Variants in ADD1 observed in about 807,000 individuals in gnomAD.
ADD1 encodes the protein alpha-adducin.
Under a neutral mutation model 80.5 loss-of-function variants are expected in ADD1, and 24 were observed. The ratio of observed to expected loss-of-function variants is 0.30; its 90% CI spans 0.22 to 0.42. The LOEUF (loss-of-function observed/expected upper bound fraction) is 0.42, where lower values mean the gene tolerates loss of function less well. Among genes scored for constraint, ADD1 ranks in the 10% least tolerant of loss-of-function variants. ADD1 has a pLI of 1.00. For synonymous variants in ADD1, 373 were observed against 393.8 expected, an observed-to-expected ratio of 0.95 and a Z score of 0.63; for missense variants, 948 against 1,019.0, an observed-to-expected ratio of 0.93 and a Z score of 0.95.
chr4:2,864,570 A>G (rs886863980), intron 1 of ADD1, among the ~76,000 whole-genome samples: 2 of 152,174 alleles, frequency 1.3e-5, no homozygotes, highest in Non-Finnish European at 2.9e-5. Flanking sequence ...TATTTTATTT[A>G]TTAGAATGTA....
At chr4:2,857,660 C>T (rs1228302297) in intron 1 of ADD1, among the ~76,000 whole-genome samples, 1 of 152,136 alleles carries the variant, frequency 6.6e-6, no homozygotes, top group East Asian at 1.9e-4. Context: ...TAGTTGAGGT[C>T]TCCAAATGGA....
At chr4:2,854,440 T>A (rs1000268844) in intron 1 of ADD1, among the ~76,000 whole-genome samples, 1 of 152,230 alleles carries the variant, frequency 6.6e-6, no homozygotes, top group African/African-American at 2.4e-5. Context: ...ATTGCTCATA[T>A]TTCCTATTTA....
chr4:2,844,131 CG>C (rs1725801739), intron 1 of ADD1, 107 bp downstream of exon 1: 1 of 147,288 alleles, frequency 6.8e-6, no homozygotes, highest in African/African-American at 2.5e-5. Context: ...GCGGGGCCTG[CG>C]GCGGCCCGGG....
intron 12 of ADD1, 32 bp from the exon 13 acceptor site, chr4:2,909,307 G>A: frequency 1.3e-6 from 2 of 1,516,308 alleles, no homozygotes; most frequent in Non-Finnish European, 1.8e-6. Context: ...GCTGGGCCTG[G>A]TGTGCTCTGG....
chr4:2,845,539 TGTG>T (rs989401743), intron 1 of ADD1, among the ~76,000 whole-genome samples: 5 of 152,200 alleles, frequency 3.3e-5, no homozygotes, highest in Admixed American at 3.3e-4. Flanking sequence ...GTTTTCTACT[TGTG>T]GTGTCTTTAG....
chr4:2,885,866 T>A (rs1339180661), intron 4 of ADD1, among the ~76,000 whole-genome samples: 3 of 152,204 alleles, frequency 2.0e-5, no homozygotes, highest in Non-Finnish European at 2.9e-5. Flanking sequence ...CGCCTTGGCC[T>A]CCCAAAGTGC....
intron 1 of ADD1, among the ~76,000 whole-genome samples, chr4:2,868,285 G>A (rs1729858684): frequency 6.6e-6 from 1 of 152,300 alleles, no homozygotes; most frequent in East Asian, 1.9e-4. Flanking sequence ...CTTTGCATTG[G>A]CTGGTGCTGC....
chr4:2,898,779 GA>G, intron 8 of ADD1: 1 of 498,578 alleles, frequency 2.0e-6, no homozygotes, highest in Non-Finnish European at 3.6e-6. Flanking sequence ...ACCATTTATG[GA>G]GTACTGGTGT....
At chr4:2,846,283 A>C (rs981759368) in intron 1 of ADD1, among the ~76,000 whole-genome samples, 9 of 152,124 alleles carry the variant, frequency 5.9e-5, no homozygotes, top group Admixed American at 2.0e-4. Context: ...GTAGTTTGTC[A>C]TGTGGAGTTA....
At chr4:2,879,494 T>G (rs1230590993) in intron 2 of ADD1, among the ~76,000 whole-genome samples, 1 of 152,210 alleles carries the variant, frequency 6.6e-6, no homozygotes, top group Non-Finnish European at 1.5e-5. Context: ...TTGAAAACCA[T>G]TGAAATAGAT....
At chr4:2,851,526 G>A (rs1727071486) in intron 1 of ADD1, among the ~76,000 whole-genome samples, 1 of 152,166 alleles carries the variant, frequency 6.6e-6, no homozygotes, top group African/African-American at 2.4e-5. Context: ...TCAAAATAAA[G>A]CCTATGTAGA....
At chr4:2,867,308 G>A (rs1357664352) in intron 1 of ADD1, among the ~76,000 whole-genome samples, 6 of 152,168 alleles carry the variant, frequency 3.9e-5, no homozygotes, top group Non-Finnish European at 7.3e-5. Flanking sequence ...GGGATGGGGA[G>A]CTGTTTTTAC....
At chr4:2,872,961 TTC>T (rs1385046427) in intron 1 of ADD1, among the ~76,000 whole-genome samples, 1 of 152,046 alleles carries the variant, frequency 6.6e-6, no homozygotes, top group Non-Finnish European at 1.5e-5. Context: ...GTTTTTCCCT[TTC>T]TCTCTCTTTT....
chr4:2,924,966 TC>T (rs1482382581), intron 14 of ADD1, among the ~76,000 whole-genome samples: 2 of 152,098 alleles, frequency 1.3e-5, no homozygotes, highest in African/African-American at 2.4e-5. Flanking sequence ...ATGTGGAGTT[TC>T]CCCCCGATGT....
intron 1 of ADD1, among the ~76,000 whole-genome samples, chr4:2,863,219 ATTTTTT>A (rs34312305): frequency 6.5e-5 from 8 of 123,766 alleles, no homozygotes; most frequent in African/African-American, 9.1e-5. Flanking sequence ...CTAATTTTTA[ATTTTTT>A]TTTTTTTTTT....
chr4:2,847,882 T>C (rs967234031), intron 1 of ADD1, among the ~76,000 whole-genome samples: 3 of 152,140 alleles, frequency 2.0e-5, no homozygotes, highest in African/African-American at 4.8e-5. Flanking sequence ...CAACCAGATA[T>C]GCATCTATCT....
chr4:2,875,869 A>G, intron 1 of ADD1, 27 bp from the exon 2 acceptor site: 1 of 1,508,710 alleles, frequency 6.6e-7, no homozygotes, highest in Non-Finnish European at 8.9e-7. Flanking sequence ...TTTGAAAACA[A>G]TAATTTCTTT....
intron 4 of ADD1, among the ~76,000 whole-genome samples, chr4:2,893,612 C>CAAA (rs201849177): frequency 7.8e-6 from 1 of 128,146 alleles, no homozygotes. Context: ...GACCCTGTCT[C>CAAA]AAAAAAAAAA....
intron 1 of ADD1, among the ~76,000 whole-genome samples, chr4:2,852,569 A>G (rs1396346339): frequency 6.6e-6 from 1 of 151,572 alleles, no homozygotes; most frequent in Non-Finnish European, 1.5e-5. Flanking sequence ...GTCTCCAGGG[A>G]CTGAAGCACA....
Sources: allele counts gnomAD v4.1 joint callset (sites outside exome capture counted in the v4.1 genomes callset), GRCh38; gene constraint gnomAD v4.1.1; transcripts MANE v1.5; gene names NCBI Gene and HGNC (gene_info 2026-07-23, HGNC 2026-07-21).